Variants in CADPS2 observed in about 807,000 individuals in gnomAD.
CADPS2 encodes calcium-dependent secretion activator 2.
A neutral mutation model predicts 172.5 loss-of-function variants in CADPS2; 93 were observed. The observed-to-expected ratio is 0.54, with a 90% confidence interval of 0.46 to 0.64. The LOEUF is 0.64. Ranked by LOEUF, CADPS2 falls within the 30% of genes least tolerant of loss-of-function variation. The pLI, the probability that CADPS2 is intolerant of heterozygous loss-of-function variation, is 0.00. For missense variants in CADPS2, 1,420 were observed against 1,565.9 expected (o/e 0.91, Z 1.57); for synonymous variants, 546 against 555.2 (o/e 0.98, Z 0.23).
intron 8 of CADPS2, among the ~76,000 whole-genome samples, chr7:122,541,399 T>A (rs189927840): frequency 1.8e-3 from 245 of 139,660 alleles, no homozygotes; most frequent in Non-Finnish European, 2.6e-3. Flanking sequence ...AGAGATGGGG[T>A]TTTACCATGT....
At chr7:122,689,718 C>A (rs2084084100) in intron 2 of CADPS2, among the ~76,000 whole-genome samples, 1 of 152,178 alleles carries the variant, frequency 6.6e-6, no homozygotes, top group South Asian at 2.1e-4. Context: ...GGGGCCCAGC[C>A]TTGGTAAGGC....
chr7:122,369,741 A>G (rs1462256992), intron 25 of CADPS2: 2 of 152,244 alleles, frequency 1.3e-5, no homozygotes, highest in Admixed American at 1.3e-4. Flanking sequence ...TGATACTAAC[A>G]TTCAGGCCAT....
intron 2 of CADPS2, among the ~76,000 whole-genome samples, chr7:122,732,117 C>A (rs985503625): frequency 1.3e-5 from 2 of 151,498 alleles, no homozygotes; most frequent in African/African-American, 4.8e-5. Context: ...ACACCCCCCA[C>A]CCAAGAAAAC....
intron 2 of CADPS2, among the ~76,000 whole-genome samples, chr7:122,685,795 CA>C (rs1428268939): frequency 7.2e-5 from 11 of 152,278 alleles, no homozygotes; most frequent in African/African-American, 2.4e-4. Context: ...TTGAATGAAT[CA>C]ATGAACCTGC....
intron 6 of CADPS2, among the ~76,000 whole-genome samples, chr7:122,588,316 G>A (rs1247274319): frequency 1.3e-5 from 2 of 152,000 alleles, no homozygotes; most frequent in South Asian, 2.1e-4. Flanking sequence ...TTCTTCTAGG[G>A]TTTATATACT....
chr7:122,850,221 C>A, intron 1 of CADPS2: 1 of 1,082,452 alleles, frequency 9.2e-7, no homozygotes, highest in Non-Finnish European at 1.2e-6. Context: ...CGCCAAGTGA[C>A]AGGGACCCAG....
intron 1 of CADPS2, among the ~76,000 whole-genome samples, chr7:122,763,584 A>T (rs2093458199): frequency 6.6e-6 from 1 of 152,218 alleles, no homozygotes; most frequent in Non-Finnish European, 1.5e-5. Flanking sequence ...AAACTCCATT[A>T]TTCAGTGTTA....
chr7:122,375,405 A>G (rs1386981813), intron 25 of CADPS2, among the ~76,000 whole-genome samples: 1 of 152,194 alleles, frequency 6.6e-6, no homozygotes, highest in Middle Eastern at 3.2e-3. Context: ...GTATAGGCCA[A>G]TAGAACAAAA....
At chr7:122,566,584 C>T (rs1176246052) in intron 7 of CADPS2, among the ~76,000 whole-genome samples, 1 of 152,030 alleles carries the variant, frequency 6.6e-6, no homozygotes, top group African/African-American at 2.4e-5. Flanking sequence ...CTCTGAGATA[C>T]ACAGGACTTA....
intron 17 of CADPS2, among the ~76,000 whole-genome samples, chr7:122,434,592 AAGTC>A (rs1262616401): frequency 5.3e-5 from 8 of 152,194 alleles, no homozygotes; most frequent in African/African-American, 1.7e-4. Context: ...AACAGTGAAC[AAGTC>A]AGTAAGGACC....
At chr7:122,576,201 G>A (rs1254443239) in intron 7 of CADPS2, among the ~76,000 whole-genome samples, 2 of 152,128 alleles carry the variant, frequency 1.3e-5, no homozygotes, top group African/African-American at 4.8e-5. Flanking sequence ...ATCCATGTTT[G>A]TCTGATGATT....
chr7:122,668,692 A>G (rs2081448765), intron 2 of CADPS2, among the ~76,000 whole-genome samples: 1 of 152,188 alleles, frequency 6.6e-6, no homozygotes, highest in African/African-American at 2.4e-5. Context: ...AGAGAGAAAT[A>G]GAGAATTATC....
chr7:122,369,140 C>A (rs1341075135), intron 25 of CADPS2, among the ~76,000 whole-genome samples: 7 of 87,910 alleles, frequency 8.0e-5, no homozygotes, highest in Admixed American at 2.7e-4. Flanking sequence ...CCCCCCCCCC[C>A]CCTTTTTTTT....
intron 16 of CADPS2, chr7:122,440,181 T>C (rs538371872): frequency 4.6e-5 from 7 of 152,272 alleles, no homozygotes; most frequent in South Asian, 2.1e-4. Context: ...TCAGTGACTA[T>C]AACTGGAATA....
intron 2 of CADPS2, among the ~76,000 whole-genome samples, chr7:122,669,663 C>T (rs1275801594): frequency 6.6e-6 from 1 of 151,982 alleles, no homozygotes; most frequent in East Asian, 2.0e-4. Context: ...AATCATAAGG[C>T]GGCTACATTT....
At chr7:122,623,625 G>T (rs1024296473) in intron 4 of CADPS2, among the ~76,000 whole-genome samples, 2 of 152,088 alleles carry the variant, frequency 1.3e-5, no homozygotes, top group African/African-American at 2.4e-5. Context: ...ACCAATTTTT[G>T]ATTAAACCCC....
intron 17 of CADPS2, 77 bp downstream of exon 17, chr7:122,438,264 G>A (rs971996799): frequency 1.9e-6 from 3 of 1,559,840 alleles, no homozygotes; most frequent in Non-Finnish European, 2.6e-6. Context: ...GGAAAGGAAA[G>A]GACTTCTCAT....
intron 1 of CADPS2, among the ~76,000 whole-genome samples, chr7:122,789,539 T>TA (rs1172239969): frequency 2.8e-4 from 43 of 152,210 alleles, no homozygotes; most frequent in African/African-American, 1.0e-3. Flanking sequence ...AAAACATCTT[T>TA]AGTTCCCAAA....
intron 17 of CADPS2, among the ~76,000 whole-genome samples, chr7:122,419,167 C>G (rs957714814): frequency 6.6e-6 from 1 of 152,088 alleles, no homozygotes; most frequent in Admixed American, 6.5e-5. Flanking sequence ...TGAATGTTTA[C>G]TGAGAATGCA....
Sources: gnomAD v4.1 joint callset for allele counts (sites outside exome capture counted in the v4.1 genomes callset) on GRCh38, gnomAD v4.1.1 for gene constraint, MANE v1.5 for transcripts, NCBI Gene and HGNC (gene_info 2026-07-23, HGNC 2026-07-21) for gene names.